The following MARCHF2 variants were observed in gnomAD, a reference collection of about 807,000 sequenced individuals.
MARCHF2 encodes the protein E3 ubiquitin-protein ligase MARCHF2.
MARCHF2 carries 22 observed loss-of-function variants against 24.0 expected under a neutral mutation model. The ratio of observed to expected loss-of-function variants is 0.92; its 90% CI spans 0.66 to 1.31. The LOEUF (loss-of-function observed/expected upper bound fraction) is 1.31, where lower values mean the gene tolerates loss of function less well. MARCHF2 is among the 50% of genes most tolerant of loss of function. The probability of loss-of-function intolerance (pLI) is 0.00; values close to 1 mark genes in which losing one functional copy is unlikely to be tolerated. For synonymous variants in MARCHF2, 154 were observed against 153.0 expected (o/e 1.01, Z -0.05); for missense variants, 301 against 335.3 (o/e 0.90, Z 0.80).
At chr19:8,434,365 T>C (rs1453801550) in intron 4 of MARCHF2, among the ~76,000 whole-genome samples, 1 of 152,046 alleles carries the variant, frequency 6.6e-6, no homozygotes, top group Non-Finnish European at 1.5e-5. Context: ...ATTACAGGCA[T>C]GAACCATCGC....
intron 2 of MARCHF2, among the ~76,000 whole-genome samples, chr19:8,425,361 C>T (rs1349181909): frequency 1.3e-5 from 2 of 151,094 alleles, no homozygotes; most frequent in Non-Finnish European, 2.9e-5. Flanking sequence ...TATCACACCA[C>T]TGCACTCCAG....
chr19:8,435,926 A>G (rs1371092169), intron 4 of MARCHF2, among the ~76,000 whole-genome samples: 1 of 147,886 alleles, frequency 6.8e-6, no homozygotes, highest in East Asian at 2.1e-4. Flanking sequence ...TGGCGTGATC[A>G]TGGCTCACTG....
At chr19:8,435,715 T>G (rs912609230) in intron 4 of MARCHF2, among the ~76,000 whole-genome samples, 1 of 147,370 alleles carries the variant, frequency 6.8e-6, no homozygotes, top group Non-Finnish European at 1.5e-5. Context: ...AGTTTTTGTA[T>G]TTTTTGTAGA....
intron 2 of MARCHF2, chr19:8,423,674 C>T (rs10411072): frequency 0.29 from 43,637 of 151,746 alleles, 6,478 homozygotes; most frequent in Admixed American, 0.37. Context: ...AACTCCACCC[C>T]GCAGCATGAG....
chr19:8,429,329 A>G (rs926387827), intron 3 of MARCHF2, among the ~76,000 whole-genome samples: 1 of 151,618 alleles, frequency 6.6e-6, no homozygotes, highest in Admixed American at 6.6e-5. Flanking sequence ...AATTAAGCCC[A>G]TTTCTTGGCT....
At chr19:8,428,607 G>A (rs562655912) in intron 3 of MARCHF2, among the ~76,000 whole-genome samples, 113 of 130,072 alleles carry the variant, frequency 8.7e-4, no homozygotes, top group Middle Eastern at 5.4e-3. Context: ...TTGAGATAGC[G>A]CCACTGCACT....
At position 8,430,573 on chromosome 19, in the gene MARCHF2, G is replaced by A. The variant is rs1423715959; in HGVS notation, c.373-85G>A. 9.6e-7 allele frequency: 1 copy of A among 1,043,166 alleles called. No homozygotes were observed. The highest frequency in any genetic ancestry group is 1.4e-6 in the Non-Finnish European group (1 of 691,688). The allele number at this position is 1,043,166 out of a possible 1,614,324, so 64.6% of individuals were successfully genotyped here. A position where few individuals can be genotyped will look rare whatever the true frequency, so the allele number is the denominator to read the frequency against. On this transcript the variant is annotated intron_variant, in intron 3 of 4. Transcript: ENST00000215555. This position sits in a 1 kb window ranked among gnomAD's most constrained non-coding sequence, Gnocchi z 4.4. Reference sequence around the variant, plus strand: ...AGAAAGAAGGAAAGGACAGAGGGAGGCCTAGGCCTGGAGGTCCTTACCCCT... The same window carrying A: ...AGAAAGAAGGAAAGGACAGAGGGAGACCTAGGCCTGGAGGTCCTTACCCCT...
At chr19:8,436,757 A>C (rs1279678991) in intron 4 of MARCHF2, among the ~76,000 whole-genome samples, 1 of 136,140 alleles carries the variant, frequency 7.3e-6, no homozygotes, top group Non-Finnish European at 1.5e-5. Flanking sequence ...ATCTCGGCTT[A>C]CCGCAGCCTC....
At position 8,421,888 on chromosome 19, in the gene MARCHF2, C is replaced by T; in HGVS notation, c.48C>T (p.Cys16=). ...ACCTCCCCGGCTCCCTGTGTGACTGCTCCGGCAGCCCTGCCTTCTCCAAGG... is the reference window on the plus strand; with the variant it reads ...ACCTCCCCGGCTCCCTGTGTGACTGTTCCGGCAGCCCTGCCTTCTCCAAGG... ...CCHLPGSLCD[C]SGSPAFSKVV... Residue 16 remains cysteine, a synonymous_variant, in exon 2 of 5, where the codon TGC becomes TGT. Transcript: ENST00000215555. 1 of 1,613,586 alleles carries T rather than the reference C, an allele frequency of 6.2e-7. No homozygotes were observed. The highest frequency in any genetic ancestry group is 8.5e-7 in the Non-Finnish European group (1 of 1,179,810).
At chr19:8,429,166 A>C in intron 3 of MARCHF2, among the ~76,000 whole-genome samples, 1 of 143,010 alleles carries the variant, frequency 7.0e-6, no homozygotes, top group Non-Finnish European at 1.5e-5. Flanking sequence ...CATCTCCCCC[A>C]TTCTTCACGT....
chr19:8,426,786 G>T lies in MARCHF2; in HGVS notation c.354G>T (p.Arg118=). 6.2e-7 allele frequency: 1 copy of T among 1,612,182 alleles called. No individual in the cohort carries two copies. Among genetic ancestry groups the T allele is most frequent in the Non-Finnish European group, 8.5e-7 (1 of 1,179,984 alleles). ...ACACGGAGTTTGCAGTGGAGAAACGGCCTCGACCCCTCACAGAGGTACCCT... is the reference window on the plus strand; with the variant it reads ...ACACGGAGTTTGCAGTGGAGAAACGTCCTCGACCCCTCACAGAGGTACCCT... ...LCHTEFAVEK[R]PRPLTEWLKD... is the part of the protein sequence containing the mutation. The change falls in exon 3 of 5, where the codon CGG becomes CGT. Residue 118 remains arginine (R), a synonymous_variant. Transcript: ENST00000215555.
chr19:8,416,342 A>G (rs1967087990), intron 1 of MARCHF2, among the ~76,000 whole-genome samples: 1 of 54,794 alleles, frequency 1.8e-5, no homozygotes, highest in East Asian at 4.1e-4. Flanking sequence ...CTCTGTCTCA[A>G]AAAAAAAAAA....
intron 1 of MARCHF2, among the ~76,000 whole-genome samples, chr19:8,415,402 A>AAC (rs1255269978): frequency 6.6e-6 from 1 of 150,808 alleles, no homozygotes; most frequent in African/African-American, 2.4e-5. Context: ...CAAAAGAAAA[A>AAC]AAAAAAAAAA....
intron 3 of MARCHF2, 118 bp downstream of exon 3, chr19:8,426,922 C>T: frequency 3.5e-6 from 3 of 859,584 alleles, no homozygotes; most frequent in Non-Finnish European, 5.3e-6. Context: ...TCCCTACCGC[C>T]CCTGTCCACC....
chr19:8,414,048 C>G (rs796997941), intron 1 of MARCHF2, among the ~76,000 whole-genome samples: 37 of 152,270 alleles, frequency 2.4e-4, no homozygotes, highest in African/African-American at 6.5e-4. Context: ...GGATTGGAAC[C>G]TTGCTTCTCA....
rs1399483689 is a variant in MARCHF2 at position 8,415,731 on chromosome 19, AAAACAAAAAAAAC to A, written c.-53+2315_-53+2327del. ...AGTGAAACTCCATCTCAAAAAAAAAAAAACAAAAAAAACAAAAAAAAAAACCAGACAAAAGAAA... is the reference window on the plus strand; with the variant it reads ...AGTGAAACTCCATCTCAAAAAAAAAAAAAAAAAAAAACCAGACAAAAGAAA... On this transcript the variant is annotated intron_variant, in intron 1 of 4. Transcript: ENST00000215555. Among the ~76,000 whole-genome samples, 237 of 81,818 alleles carry A rather than the reference AAAACAAAAAAAAC, an allele frequency of 2.9e-3. 16 individuals are homozygous for A. Among genetic ancestry groups the A allele is most frequent in the African/African-American group, 8.9e-3 (212 of 23,790 alleles). The allele number at this position is 81,818 out of a possible 152,430, so 53.7% of individuals were successfully genotyped here.
chr19:8,426,153 C>CTCCG (rs1967393500), intron 2 of MARCHF2, among the ~76,000 whole-genome samples: 1 of 150,440 alleles, frequency 6.6e-6, no homozygotes, highest in African/African-American at 2.4e-5. Context: ...ATGGCGTGAA[C>CTCCG]CCGGGAGGCG....
chr19:8,427,907 G>C (rs1243579243), intron 3 of MARCHF2: 2 of 151,540 alleles, frequency 1.3e-5, no homozygotes, highest in African/African-American at 4.9e-5. Flanking sequence ...CCTGAGGTCA[G>C]GAGTTAAAGA....
intron 3 of MARCHF2, 90 bp downstream of exon 3, chr19:8,426,894 GTCC>G (rs1967418724): frequency 2.5e-6 from 3 of 1,218,472 alleles, no homozygotes. Flanking sequence ...CAATCTGGTG[GTCC>G]TCCTAGGGCA....
Sources: gnomAD v4.1 joint callset for allele counts (sites outside exome capture counted in the v4.1 genomes callset) on GRCh38, gnomAD v4.1.1 for gene constraint, Gnocchi (gnomAD v3.1) non-coding constraint, MANE v1.5 for transcripts, NCBI Gene and HGNC (gene_info 2026-07-23, HGNC 2026-07-21) for gene names.